PPP1R1C: variants seen among roughly 807,000 people sequenced by gnomAD.
PPP1R1C encodes protein phosphatase 1 regulatory inhibitor subunit 1C, also known as protein phosphatase 1 regulatory subunit 1C.
In PPP1R1C, 15 loss-of-function variants were observed where a neutral mutation model predicts 17.4. The observed-to-expected ratio is 0.86, with a 90% CI of 0.58 to 1.33. The LOEUF is 1.33. Ranked by LOEUF, PPP1R1C falls within the 40% of genes most tolerant of loss-of-function variation. The pLI is 0.00. For missense variants in PPP1R1C, 143 were observed against 130.0 expected (o/e 1.10, Z -0.48); for synonymous variants, 35 against 43.1 (o/e 0.81, Z 0.73).
intron 1 of PPP1R1C, among the ~76,000 whole-genome samples, chr2:181,973,239 T>C (rs572772429): frequency 6.6e-6 from 1 of 152,258 alleles, no homozygotes; most frequent in African/African-American, 2.4e-5. Context: ...TACCGAGACA[T>C]TTGCTTTTAC....
chr2:182,098,809 A>G (rs1033286212), intron 4 of PPP1R1C, among the ~76,000 whole-genome samples: 1 of 152,210 alleles, frequency 6.6e-6, no homozygotes, highest in Non-Finnish European at 1.5e-5. Context: ...AAGCCCTACA[A>G]ATAGAAAACA....
intron 1 of PPP1R1C, among the ~76,000 whole-genome samples, chr2:181,970,201 G>A (rs967456078): frequency 1.3e-5 from 2 of 151,794 alleles, no homozygotes; most frequent in Non-Finnish European, 2.9e-5. Context: ...TTGTTTATTG[G>A]TGTCTGGGCG....
At chr2:182,036,685 GTCTCTC>G (rs924048841) in intron 2 of PPP1R1C, among the ~76,000 whole-genome samples, 1 of 151,600 alleles carries the variant, frequency 6.6e-6, no homozygotes, top group Non-Finnish European at 1.5e-5. Context: ...CATTCTCTCT[GTCTCTC>G]TCTCTATGTG....
chr2:182,022,729 C>A (rs1686464270), intron 2 of PPP1R1C, among the ~76,000 whole-genome samples: 1 of 152,074 alleles, frequency 6.6e-6, no homozygotes, highest in African/African-American at 2.4e-5. Context: ...GCTTGAGAGA[C>A]CATTAGAAAT....
intron 4 of PPP1R1C, among the ~76,000 whole-genome samples, chr2:182,081,993 TA>T (rs576295332): frequency 6.6e-6 from 1 of 152,148 alleles, no homozygotes; most frequent in African/African-American, 2.4e-5. Context: ...CTATTTTTTT[TA>T]AAAAAAGGTC....
rs138435280 is a variant in PPP1R1C at position 182,085,938 on chromosome 2, C to T, written c.241+22147C>T. On this transcript the variant is annotated intron_variant, in intron 4 of 4. Transcript: ENST00000682840. ...TCCATAAGAAAACCCCTAGATGGGTCATAAAGTAAAAAATTTTAAATGATA... is the reference window on the plus strand; with the variant it reads ...TCCATAAGAAAACCCCTAGATGGGTTATAAAGTAAAAAATTTTAAATGATA... Among the ~76,000 whole-genome samples, 372 of 151,898 alleles carry T rather than the reference C, an allele frequency of 2.4e-3. 4 individuals carry two copies. The highest frequency in any genetic ancestry group is 8.4e-3 in the African/African-American group (350 of 41,458).
intron 2 of PPP1R1C, among the ~76,000 whole-genome samples, chr2:182,001,560 A>T (rs1003740497): frequency 6.6e-6 from 1 of 152,100 alleles, no homozygotes; most frequent in Admixed American, 6.6e-5. Context: ...CTTTCCTTCC[A>T]TGTGAACTTG....
intron 2 of PPP1R1C, among the ~76,000 whole-genome samples, chr2:182,010,522 G>A (rs1473528713): frequency 6.6e-6 from 1 of 151,916 alleles, no homozygotes; most frequent in African/African-American, 2.4e-5. Flanking sequence ...TAGTTTTTTG[G>A]TGGAGTCTTC....
At chr2:182,109,214 TA>T (rs1021455328) in intron 4 of PPP1R1C, among the ~76,000 whole-genome samples, 1 of 152,218 alleles carries the variant, frequency 6.6e-6, no homozygotes, top group Non-Finnish European at 1.5e-5. Flanking sequence ...TGTTGAGTTT[TA>T]AGAGTCCTTT....
chr2:181,972,512 A>T (rs1685029022), intron 1 of PPP1R1C, among the ~76,000 whole-genome samples: 1 of 152,144 alleles, frequency 6.6e-6, no homozygotes, highest in Non-Finnish European at 1.5e-5. Flanking sequence ...AAAACACAAT[A>T]CATCAACAAA....
chr2:181,998,009 T>C (rs543336836), intron 2 of PPP1R1C, among the ~76,000 whole-genome samples: 1 of 152,368 alleles, frequency 6.6e-6, no homozygotes, highest in East Asian at 1.9e-4. Flanking sequence ...TTGTTTCTGC[T>C]GTGTCTGTGA....
chr2:181,999,769 T>C (rs904989130), intron 2 of PPP1R1C, among the ~76,000 whole-genome samples: 2 of 150,558 alleles, frequency 1.3e-5, no homozygotes, highest in African/African-American at 4.9e-5. Context: ...TTTTATTCTA[T>C]AAGCTAAAAA....
At chr2:182,088,803 T>C (rs1021099091) in intron 4 of PPP1R1C, among the ~76,000 whole-genome samples, 92 of 152,202 alleles carry the variant, frequency 6.0e-4, no homozygotes, top group Non-Finnish European at 1.0e-4. Flanking sequence ...TACAAACCAA[T>C]TTGCTAATAG....
At chr2:182,033,332 A>G (rs1429301015) in intron 2 of PPP1R1C, among the ~76,000 whole-genome samples, 1 of 152,188 alleles carries the variant, frequency 6.6e-6, no homozygotes, top group African/African-American at 2.4e-5. Flanking sequence ...TCAGTCATAT[A>G]CTGATAACTT....
chr2:182,031,986 G>A (rs991201453), intron 2 of PPP1R1C, among the ~76,000 whole-genome samples: 1 of 152,184 alleles, frequency 6.6e-6, no homozygotes, highest in Non-Finnish European at 1.5e-5. Flanking sequence ...AAATTTTGGT[G>A]CCCCTTCATG....
chr2:182,114,996 A>G (rs746650272), intron 4 of PPP1R1C, among the ~76,000 whole-genome samples: 3 of 152,184 alleles, frequency 2.0e-5, no homozygotes, highest in Non-Finnish European at 4.4e-5. Flanking sequence ...CATTTAGACA[A>G]ATCAATAAGG....
chr2:182,002,194 A>AT (rs59509714), intron 2 of PPP1R1C, among the ~76,000 whole-genome samples: 2 of 151,292 alleles, frequency 1.3e-5, no homozygotes, highest in African/African-American at 4.9e-5. Flanking sequence ...CCATCAAGGT[A>AT]TTTTTTTTTC....
intron 4 of PPP1R1C, among the ~76,000 whole-genome samples, chr2:182,066,978 G>T (rs1472648320): frequency 1.3e-5 from 2 of 151,718 alleles, no homozygotes; most frequent in Non-Finnish European, 2.9e-5. Context: ...TTGTGTGTGT[G>T]TGTGTGTGTG....
In PPP1R1C at chr2:182,062,387, T is replaced by C. The variant is rs191879455; in HGVS notation, c.180+908T>C. Among the ~76,000 whole-genome samples the C allele has an allele frequency of 2.6e-5, 4 of 152,122 alleles. No individual in the cohort carries two copies. In the South Asian group the frequency reaches 8.3e-4, roughly 31 times the overall value. On this transcript the variant is annotated intron_variant, in intron 3 of 4. Coordinates refer to ENST00000682840, the MANE Select transcript of PPP1R1C (RefSeq NM_001080545.3). ...ATTTCTGTAGATTTAATTTTCTATT[T>C]GATCTTTAAATATGTGTATGGAAGT...
Sources: gnomAD v4.1 joint callset for allele counts (sites outside exome capture counted in the v4.1 genomes callset) on GRCh38, gnomAD v4.1.1 for gene constraint, MANE v1.5 for transcripts, NCBI Gene and HGNC (gene_info 2026-07-23, HGNC 2026-07-21) for gene names.